Variants in C9orf85 observed in about 807,000 individuals in gnomAD.
The protein encoded by C9orf85 is chromosome 9 open reading frame 85.
Under a neutral mutation model 14.9 loss-of-function variants are expected in C9orf85, and 16 were observed. That is an observed-to-expected ratio of 1.08 (90% CI 0.73 to 1.63). The LOEUF is 1.63. C9orf85 is among the 40% of genes most tolerant of loss of function. C9orf85 has a pLI of 0.00. For synonymous variants in C9orf85, 45 were observed against 56.8 expected, an observed-to-expected ratio of 0.79 and a Z score of 0.93; for missense variants, 172 against 186.1, an observed-to-expected ratio of 0.92 and a Z score of 0.44.
intron 1 of C9orf85, among the ~76,000 whole-genome samples, chr9:71,912,741 C>A: frequency 6.6e-6 from 1 of 151,956 alleles, no homozygotes; most frequent in Non-Finnish European, 1.5e-5. Context: ...AAAAATTAGC[C>A]GACGTGGTGA....
At chr9:71,957,721 T>C (rs1307770009) in intron 2 of C9orf85, among the ~76,000 whole-genome samples, 1 of 152,204 alleles carries the variant, frequency 6.6e-6, no homozygotes, top group Non-Finnish European at 1.5e-5. Context: ...GGTCTTTTCT[T>C]TCTCCTTCCT....
intron 1 of C9orf85, among the ~76,000 whole-genome samples, chr9:71,914,739 C>CA (rs1827602269): frequency 1.3e-5 from 2 of 152,208 alleles, no homozygotes; most frequent in Admixed American, 1.3e-4. Flanking sequence ...ATCAAAGTAA[C>CA]AAAAATAGGT....
chr9:71,956,064 A>AT (rs1822371761), intron 2 of C9orf85, among the ~76,000 whole-genome samples: 1 of 152,098 alleles, frequency 6.6e-6, no homozygotes, highest in South Asian at 2.1e-4. Flanking sequence ...AAATAAATGG[A>AT]TTTTTTAGTG....
intron 1 of C9orf85, among the ~76,000 whole-genome samples, 156 bp from the exon 2 acceptor site, chr9:71,946,850 A>G (rs536108707): frequency 2.6e-5 from 4 of 152,186 alleles, no homozygotes; most frequent in Admixed American, 2.0e-4. Flanking sequence ...TAACAAATTG[A>G]GTAATATACA....
At position 71,913,582 on chromosome 9, in the gene C9orf85, G is replaced by T. The variant is rs537896071; in HGVS notation, c.102+1746G>T. Among the ~76,000 whole-genome samples, 9 of 152,296 alleles carry T rather than the reference G, an allele frequency of 5.9e-5. No homozygotes were observed. In the South Asian group the frequency reaches 1.2e-3, roughly 21 times the overall value. On this transcript the variant is annotated intron_variant, in intron 1 of 3. Transcript: ENST00000334731. ...CATTTGGGAAGACTTTCCCAAGTTT[G>T]CTCCCATTATCAATAGGTAAACCAG...
Position 71,932,045 on chromosome 9 carries a change from A to G in C9orf85, c.103-14961A>G, listed in dbSNP as rs149199477. Among the ~76,000 whole-genome samples, 782 of 152,246 alleles carry G rather than the reference A, an allele frequency of 5.1e-3. 5 individuals are homozygous for G. The highest frequency in any genetic ancestry group is 0.017 in the African/African-American group (713 of 41,552). On this transcript the variant is annotated intron_variant, in intron 1 of 3. Coordinates refer to ENST00000334731, the MANE Select transcript of C9orf85 (RefSeq NM_182505.5). Reference sequence around the variant, plus strand: ...GTATATCTTAGGGTTGAGTCCAGGAATGATCATTCTTAACAAGACTCATCT... The same window carrying G: ...GTATATCTTAGGGTTGAGTCCAGGAGTGATCATTCTTAACAAGACTCATCT...
downstream of C9orf85, chr9:71,983,774 G>A (rs971678091): frequency 6.6e-6 from 1 of 152,132 alleles, no homozygotes; most frequent in Non-Finnish European, 1.5e-5. Context: ...CTTCTGTATT[G>A]GGTCTATTGT....
intron 1 of C9orf85, among the ~76,000 whole-genome samples, chr9:71,944,936 T>C (rs2132303747): frequency 6.6e-6 from 1 of 152,286 alleles, no homozygotes; most frequent in East Asian, 1.9e-4. Flanking sequence ...ACCTGTTTTG[T>C]TCTACTGTTG....
intron 2 of C9orf85, among the ~76,000 whole-genome samples, chr9:71,949,958 A>C: frequency 6.6e-6 from 1 of 152,118 alleles, no homozygotes; most frequent in East Asian, 1.9e-4. Flanking sequence ...GCTGTTTGTC[A>C]CATTTCTTCA....
chr9:71,962,690 G>A (rs1194603662), intron 2 of C9orf85, among the ~76,000 whole-genome samples: 1 of 152,206 alleles, frequency 6.6e-6, no homozygotes, highest in Non-Finnish European at 1.5e-5. Context: ...ACCCTAAGAA[G>A]ATAGAGGAGA....
At chr9:71,912,365 C>T (rs567986391) in intron 1 of C9orf85, among the ~76,000 whole-genome samples, 1 of 152,084 alleles carries the variant, frequency 6.6e-6, no homozygotes, top group South Asian at 2.1e-4. Flanking sequence ...ACTTGTTTTG[C>T]TGTTTATCTT....
intron 2 of C9orf85, among the ~76,000 whole-genome samples, chr9:71,950,181 C>G (rs570627516): frequency 1.3e-5 from 2 of 152,268 alleles, no homozygotes; most frequent in East Asian, 1.9e-4. Context: ...GTAAAACTCA[C>G]TTATATTCAT....
chr9:71,920,306 T>G (rs1482973539), intron 1 of C9orf85, among the ~76,000 whole-genome samples: 1 of 152,208 alleles, frequency 6.6e-6, no homozygotes, highest in Non-Finnish European at 1.5e-5. Context: ...ATACTTACTG[T>G]TTTTAGGGAA....
intron 3 of C9orf85, among the ~76,000 whole-genome samples, chr9:71,980,652 A>AAAAACATAT (rs1425500793): frequency 6.6e-6 from 1 of 152,234 alleles, no homozygotes; most frequent in African/African-American, 2.4e-5. Flanking sequence ...GTGACTCTGG[A>AAAAACATAT]AAAACATATA....
chr9:71,927,544 G>A (rs1827961038), intron 1 of C9orf85, among the ~76,000 whole-genome samples: 2 of 152,134 alleles, frequency 1.3e-5, no homozygotes, highest in South Asian at 4.1e-4. Flanking sequence ...TCTTGTTTGG[G>A]TGGTGGAGAA....
intron 2 of C9orf85, among the ~76,000 whole-genome samples, chr9:71,962,986 G>GT (rs1822562383): frequency 6.6e-6 from 1 of 152,144 alleles, no homozygotes; most frequent in Non-Finnish European, 1.5e-5. Flanking sequence ...AACCCGGGAA[G>GT]TGGAGGTTGC....
At chr9:71,915,393 T>C (rs964923191) in intron 1 of C9orf85, among the ~76,000 whole-genome samples, 6 of 151,856 alleles carry the variant, frequency 4.0e-5, no homozygotes, top group African/African-American at 9.7e-5. Context: ...GTTGGCCAGG[T>C]TGGTCACTCC....
chr9:71,973,014 T>C lies in C9orf85; in HGVS notation c.*172T>C. 6.0e-6 allele frequency: 2 copies of C among 333,064 alleles called. No individual in the cohort carries two copies. The highest frequency in any genetic ancestry group is 1.1e-5 in the Non-Finnish European group (2 of 174,858). 20.6% of individuals were successfully genotyped at this position (333,064 alleles called of 1,614,324 possible). On this transcript the variant is annotated 3_prime_UTR_variant, in exon 4 of 4. Transcript: ENST00000334731. Reference sequence around the variant, plus strand: ...CAAAAAATTAGCTGGGCGTGGTGGCTCATGCCTGTAATCCCAGCTACTCAG... The same window carrying C: ...CAAAAAATTAGCTGGGCGTGGTGGCCCATGCCTGTAATCCCAGCTACTCAG...
intron 1 of C9orf85, among the ~76,000 whole-genome samples, chr9:71,926,619 G>C (rs1037581630): frequency 1.6e-5 from 2 of 123,676 alleles, no homozygotes; most frequent in African/African-American, 6.1e-5. Context: ...CCAAAAACCA[G>C]CAAACACTGC....
Sources: gnomAD v4.1 joint callset for allele counts (sites outside exome capture counted in the v4.1 genomes callset) on GRCh38, gnomAD v4.1.1 for gene constraint, MANE v1.5 for transcripts, NCBI Gene and HGNC (gene_info 2026-07-23, HGNC 2026-07-21) for gene names.